RALGAPA2: variants seen among roughly 807,000 people sequenced by gnomAD.
The protein encoded by RALGAPA2 is Ral GTPase activating protein catalytic subunit alpha 2, also known as ral GTPase-activating protein subunit alpha-2.
RALGAPA2 carries 139 observed loss-of-function variants against 230.4 expected under a neutral mutation model. The ratio of observed to expected loss-of-function variants is 0.60; its 90% CI spans 0.53 to 0.69. The LOEUF (loss-of-function observed/expected upper bound fraction) is 0.69. Ranked by LOEUF, RALGAPA2 falls within the 30% of genes least tolerant of loss-of-function variation. The pLI is 0.00. For missense variants in RALGAPA2, 2,163 were observed against 2,276.0 expected, an observed-to-expected ratio of 0.95 and a Z score of 1.01; for synonymous variants, 847 against 837.8, an observed-to-expected ratio of 1.01 and a Z score of -0.19.
intron 11 of RALGAPA2, 105 bp from the exon 12 acceptor site, chr20:20,619,519 G>T: frequency 1.1e-6 from 1 of 929,134 alleles, no homozygotes; most frequent in Non-Finnish European, 1.4e-6. Context: ...GTTATATTTA[G>T]TTGGCATATT....
intron 4 of RALGAPA2, among the ~76,000 whole-genome samples, chr20:20,647,622 TAA>T (rs1327469971): frequency 6.6e-6 from 1 of 152,096 alleles, no homozygotes; most frequent in Non-Finnish European, 1.5e-5. Context: ...CTGGATTTCT[TAA>T]AAATTAAAAA....
chr20:20,447,653 G>T (rs954888988), intron 37 of RALGAPA2, among the ~76,000 whole-genome samples: 2 of 150,508 alleles, frequency 1.3e-5, no homozygotes, highest in African/African-American at 2.4e-5. Flanking sequence ...TTTTAACTAG[G>T]TCAAACAGTC....
At chr20:20,693,599 T>C (rs1262727162) in intron 1 of RALGAPA2, among the ~76,000 whole-genome samples, 1 of 151,968 alleles carries the variant, frequency 6.6e-6, no homozygotes, top group East Asian at 1.9e-4. Context: ...ATGAGGAGAG[T>C]GTTTACAGCT....
intron 16 of RALGAPA2, among the ~76,000 whole-genome samples, chr20:20,594,352 G>C (rs2065383405): frequency 1.3e-5 from 2 of 152,070 alleles, no homozygotes; most frequent in Non-Finnish European, 2.9e-5. Context: ...ATTTAAGAAA[G>C]AGCAATTTAT....
intron 3 of RALGAPA2, among the ~76,000 whole-genome samples, chr20:20,662,276 T>C (rs1457033098): frequency 3.3e-5 from 5 of 151,956 alleles, no homozygotes; most frequent in Non-Finnish European, 7.4e-5. Context: ...AATTCTCAAT[T>C]ATTTGTGGAT....
At chr20:20,436,456 A>C (rs2060614855) in intron 37 of RALGAPA2, among the ~76,000 whole-genome samples, 1 of 152,214 alleles carries the variant, frequency 6.6e-6, no homozygotes, top group Admixed American at 6.5e-5. Context: ...TTCCAATGCC[A>C]TCCCTAATAT....
chr20:20,605,864 C>T (rs2065803629), intron 14 of RALGAPA2, among the ~76,000 whole-genome samples: 1 of 152,158 alleles, frequency 6.6e-6, no homozygotes, highest in Non-Finnish European at 1.5e-5. Context: ...AGACTCCCCT[C>T]AACCTCTGCC....
intron 23 of RALGAPA2, among the ~76,000 whole-genome samples, chr20:20,568,333 TTG>T (rs1214252809): frequency 6.6e-6 from 1 of 152,228 alleles, no homozygotes; most frequent in Non-Finnish European, 1.5e-5. Context: ...GATAAATTCA[TTG>T]TGTTAGTATT....
intron 37 of RALGAPA2, among the ~76,000 whole-genome samples, chr20:20,454,880 A>G (rs954890085): frequency 2.0e-5 from 3 of 152,330 alleles, no homozygotes; most frequent in Admixed American, 1.3e-4. Flanking sequence ...AATGTTTTAA[A>G]AATACCCAGA....
intron 3 of RALGAPA2, among the ~76,000 whole-genome samples, chr20:20,660,576 G>A (rs547144506): frequency 6.6e-6 from 1 of 151,806 alleles, no homozygotes; most frequent in Admixed American, 6.6e-5. Flanking sequence ...AGCTCAAAGT[G>A]CCATGGAGAA....
intron 23 of RALGAPA2, among the ~76,000 whole-genome samples, chr20:20,556,161 G>A (rs542048776): frequency 1.3e-5 from 2 of 152,282 alleles, no homozygotes; most frequent in East Asian, 3.9e-4. Flanking sequence ...TGTGAGATCA[G>A]GGCCTCTAAG....
chr20:20,610,478 C>T (rs988850975), intron 14 of RALGAPA2, among the ~76,000 whole-genome samples: 1 of 152,124 alleles, frequency 6.6e-6, no homozygotes, highest in Admixed American at 6.5e-5. Flanking sequence ...CTGCTCGCAC[C>T]AAAGACCGGC....
intron 6 of RALGAPA2, 99 bp downstream of exon 6, chr20:20,640,602 C>A: frequency 8.3e-7 from 1 of 1,198,676 alleles, no homozygotes; most frequent in Non-Finnish European, 1.2e-6. Context: ...CCTCTTCAGA[C>A]TCCATCAGGA....
intron 3 of RALGAPA2, among the ~76,000 whole-genome samples, chr20:20,667,585 T>C (rs2067998081): frequency 6.6e-6 from 1 of 152,238 alleles, no homozygotes; most frequent in Non-Finnish European, 1.5e-5. Context: ...CTGTATGTCC[T>C]AGAAGAAACC....
At chr20:20,685,478 G>A (rs1407953701) in intron 1 of RALGAPA2, among the ~76,000 whole-genome samples, 1 of 152,126 alleles carries the variant, frequency 6.6e-6, no homozygotes, top group Non-Finnish European at 1.5e-5. Flanking sequence ...TGAAATAGAT[G>A]GGCAGGTGTG....
chr20:20,651,325 T>C (rs2067388925), intron 4 of RALGAPA2, among the ~76,000 whole-genome samples: 1 of 152,252 alleles, frequency 6.6e-6, no homozygotes, highest in South Asian at 2.1e-4. Flanking sequence ...AAGAGCCTGT[T>C]TGACTTTAAG....
At chr20:20,496,139 G>A (rs915774474) in intron 35 of RALGAPA2, among the ~76,000 whole-genome samples, 4 of 149,470 alleles carry the variant, frequency 2.7e-5, no homozygotes, top group Admixed American at 6.6e-5. Flanking sequence ...GCTTAGTAGT[G>A]TAGCCCACTT....
chr20:20,485,006 GC>G lies in RALGAPA2; in HGVS notation c.5367+10110del, dbSNP rs2061872936. Among the ~76,000 whole-genome samples, 3 of 152,064 alleles carry G rather than the reference GC, an allele frequency of 2.0e-5. No individual in the cohort carries two copies. The South Asian group carries it at 6.2e-4, about 31-fold the overall frequency. Reference sequence around the variant, plus strand: ...GCGGCCCTGGATGACTTTGAATGTGGCCCAACACAAATTCGGAACTTTCTTA... The same window carrying G: ...GCGGCCCTGGATGACTTTGAATGTGGCCAACACAAATTCGGAACTTTCTTA... On this transcript the variant is annotated intron_variant, in intron 36 of 39. Coordinates refer to ENST00000202677, the MANE Select transcript of RALGAPA2 (RefSeq NM_020343.4).
intron 33 of RALGAPA2, among the ~76,000 whole-genome samples, chr20:20,509,764 A>G (rs1382864984): frequency 2.0e-5 from 3 of 152,234 alleles, no homozygotes; most frequent in Non-Finnish European, 4.4e-5. Context: ...GTCAATACAA[A>G]CAAATCCATC....
Sources: gnomAD v4.1 joint callset for allele counts (sites outside exome capture counted in the v4.1 genomes callset) on GRCh38, gnomAD v4.1.1 for gene constraint, MANE v1.5 for transcripts, NCBI Gene and HGNC (gene_info 2026-07-23, HGNC 2026-07-21) for gene names.